Variants in PDE4D observed in about 807,000 individuals in gnomAD.
The protein encoded by PDE4D is 3',5'-cyclic-AMP phosphodiesterase 4D.
Under a neutral mutation model 87.4 loss-of-function variants are expected in PDE4D, and 24 were observed. That is an observed-to-expected ratio of 0.27 (90% CI 0.20 to 0.39). The LOEUF (loss-of-function observed/expected upper bound fraction) is 0.39, where lower values mean the gene tolerates loss of function less well. Among genes scored for constraint, PDE4D ranks in the 10% least tolerant of loss-of-function variants. The probability of loss-of-function intolerance (pLI) is 1.00; values close to 1 mark genes in which losing one functional copy is unlikely to be tolerated. For synonymous variants in PDE4D, 384 were observed against 383.2 expected, an observed-to-expected ratio of 1.00 and a Z score of -0.02; for missense variants, 714 against 1,041.0, an observed-to-expected ratio of 0.69 and a Z score of 4.32.
intron 4 of PDE4D, among the ~76,000 whole-genome samples, chr5:59,181,057 G>A (rs1177133751): frequency 6.6e-6 from 1 of 152,140 alleles, no homozygotes; most frequent in Non-Finnish European, 1.5e-5. Flanking sequence ...GTGATTGCCT[G>A]TACATTATCA....
intron 1 of PDE4D, among the ~76,000 whole-genome samples, chr5:60,279,904 A>G (rs1199393942): frequency 6.6e-6 from 1 of 150,494 alleles, no homozygotes; most frequent in African/African-American, 2.4e-5. Flanking sequence ...CTATTCTTGA[A>G]CTCCTGACCT....
intron 4 of PDE4D, among the ~76,000 whole-genome samples, chr5:59,182,088 C>T (rs1741750917): frequency 6.6e-6 from 1 of 151,892 alleles, no homozygotes; most frequent in Admixed American, 6.6e-5. Flanking sequence ...TGAAAATGCA[C>T]CAAATTTTAC....
At chr5:60,143,802 A>G (rs1333713704) in intron 2 of PDE4D, among the ~76,000 whole-genome samples, 1 of 152,184 alleles carries the variant, frequency 6.6e-6, no homozygotes, top group African/African-American at 2.4e-5. Context: ...ACTATTTGCT[A>G]CATTTATATA....
intron 1 of PDE4D, among the ~76,000 whole-genome samples, chr5:59,456,058 G>T (rs1799881729): frequency 6.6e-6 from 1 of 152,214 alleles, no homozygotes; most frequent in Admixed American, 6.5e-5. Flanking sequence ...TAGGACTGTG[G>T]ACTTTTGAGA....
At chr5:60,215,407 G>C (rs998160307) in intron 1 of PDE4D, among the ~76,000 whole-genome samples, 2 of 151,996 alleles carry the variant, frequency 1.3e-5, no homozygotes, top group African/African-American at 4.8e-5. Flanking sequence ...CCTTCTGCAA[G>C]ATGCATGGCC....
intron 3 of PDE4D, among the ~76,000 whole-genome samples, chr5:59,951,956 G>A (rs2152804900): frequency 1.3e-5 from 2 of 152,208 alleles, no homozygotes; most frequent in South Asian, 4.1e-4. Flanking sequence ...CTCTGTCCCT[G>A]ATATGATTAG....
chr5:60,446,335 T>A (rs1055397499), intron 1 of PDE4D, among the ~76,000 whole-genome samples: 3 of 152,154 alleles, frequency 2.0e-5, no homozygotes, highest in African/African-American at 7.2e-5. Context: ...TACACAATAA[T>A]TTTTACAGTA....
intron 1 of PDE4D, among the ~76,000 whole-genome samples, chr5:59,568,419 C>T: frequency 6.6e-6 from 1 of 152,062 alleles, no homozygotes; most frequent in South Asian, 2.1e-4. Context: ...AGATTCTCTG[C>T]CTTCAAGGAG....
At chr5:59,655,640 C>G (rs1199022272) in intron 1 of PDE4D, among the ~76,000 whole-genome samples, 1 of 152,044 alleles carries the variant, frequency 6.6e-6, no homozygotes, top group Non-Finnish European at 1.5e-5. Context: ...GCTTTAGCAG[C>G]CAGAAGCCAT....
chr5:59,490,817 C>T (rs1305211345), intron 1 of PDE4D, among the ~76,000 whole-genome samples: 3 of 152,104 alleles, frequency 2.0e-5, no homozygotes, highest in African/African-American at 7.2e-5. Flanking sequence ...CGTGGTACCA[C>T]GAAAGTAAAA....
At chr5:59,225,600 C>G (rs1753595860) in intron 1 of PDE4D, among the ~76,000 whole-genome samples, 1 of 151,994 alleles carries the variant, frequency 6.6e-6, no homozygotes, top group African/African-American at 2.4e-5. Context: ...GTTTCCTAAT[C>G]CACAGCAGCA....
intron 1 of PDE4D, among the ~76,000 whole-genome samples, chr5:60,356,307 A>G (rs1357228597): frequency 2.0e-5 from 3 of 152,160 alleles, no homozygotes; most frequent in Non-Finnish European, 2.9e-5. Context: ...TACCTTGAAC[A>G]TTTTATTATC....
rs1470528367 is a variant in PDE4D at position 59,054,561 on chromosome 5, A to G, written c.809-15590T>C. Among the ~76,000 whole-genome samples, 9 of 152,088 alleles carry G rather than the reference A, an allele frequency of 5.9e-5. 1 individual carries two copies. The East Asian group carries it at 9.6e-4, about 16-fold the overall frequency. On this transcript the variant is annotated intron_variant, in intron 5 of 14. Coordinates refer to ENST00000340635, the MANE Select transcript of PDE4D (RefSeq NM_001104631.2). ...AAAATTTGTTTACAGTCTTTAACAA[A>G]CCATGCATTTCAGTATAAATTAAAC... is the stretch of plus-strand genomic sequence containing the variant.
At chr5:59,851,886 T>A (rs1019808437) in intron 1 of PDE4D, among the ~76,000 whole-genome samples, 2 of 151,996 alleles carry the variant, frequency 1.3e-5, no homozygotes, top group African/African-American at 4.8e-5. Context: ...CAGCTCCACA[T>A]AAGGACCGCA....
At chr5:59,279,622 T>C (rs961232059) in intron 1 of PDE4D, among the ~76,000 whole-genome samples, 1 of 152,118 alleles carries the variant, frequency 6.6e-6, no homozygotes, top group African/African-American at 2.4e-5. Flanking sequence ...ATTAATTACC[T>C]ACATGCTAAG....
At chr5:60,083,688 C>CTTCCTGGGCCTCAGAAATACTACT (rs1217380116) in intron 2 of PDE4D, among the ~76,000 whole-genome samples, 1 of 152,198 alleles carries the variant, frequency 6.6e-6, no homozygotes, top group African/African-American at 2.4e-5. Context: ...CCCTTACTCA[C>CTTCCTGGGCCTCAGAAATACTACT]TTCCTGGGCC....
chr5:60,270,390 T>A (rs1332759534), intron 1 of PDE4D, among the ~76,000 whole-genome samples: 2 of 152,228 alleles, frequency 1.3e-5, no homozygotes, highest in Non-Finnish European at 2.9e-5. Context: ...TTAATAATGA[T>A]ATCTTCTAAA....
At chr5:59,300,083 G>C (rs1041324241) in intron 1 of PDE4D, among the ~76,000 whole-genome samples, 7 of 124,198 alleles carry the variant, frequency 5.6e-5, no homozygotes, top group Non-Finnish European at 1.1e-4. Flanking sequence ...CTGCACTCCA[G>C]CCTGGGCGAC....
chr5:59,650,410 G>C (rs1286235033), intron 1 of PDE4D, among the ~76,000 whole-genome samples: 1 of 152,110 alleles, frequency 6.6e-6, no homozygotes, highest in African/African-American at 2.4e-5. Context: ...AATGAAATGA[G>C]GAGGCTGAAG....
Sources: gnomAD v4.1 joint callset for allele counts (sites outside exome capture counted in the v4.1 genomes callset) on GRCh38, gnomAD v4.1.1 for gene constraint, MANE v1.5 for transcripts, NCBI Gene and HGNC (gene_info 2026-07-23, HGNC 2026-07-21) for gene names.